Variants in PRKCA observed in about 807,000 individuals in gnomAD.
The protein encoded by PRKCA is protein kinase C alpha, also known as protein kinase C alpha type.
PRKCA carries 27 observed loss-of-function variants against 87.0 expected under a neutral mutation model. That is an observed-to-expected ratio of 0.31 (90% CI 0.23 to 0.43). PRKCA has a LOEUF of 0.43. PRKCA is among the 20% of genes least tolerant of loss of function. PRKCA has a pLI of 1.00. For synonymous variants in PRKCA, 329 were observed against 311.1 expected (o/e 1.06, Z -0.61); for missense variants, 518 against 852.3 (o/e 0.61, Z 4.88).
intron 2 of PRKCA, among the ~76,000 whole-genome samples, chr17:66,410,188 A>G (rs1911691890): frequency 6.9e-6 from 1 of 145,664 alleles, no homozygotes; most frequent in Non-Finnish European, 1.5e-5. Context: ...CTTTAATTTT[A>G]TAGGTGATAC....
intron 2 of PRKCA, among the ~76,000 whole-genome samples, chr17:66,431,622 C>A (rs527734680): frequency 2.0e-5 from 3 of 152,312 alleles, no homozygotes; most frequent in Admixed American, 2.0e-4. Context: ...GCTGTCGCTT[C>A]CCCTCTGCGC....
At chr17:66,674,699 A>G (rs528515484) in intron 5 of PRKCA, among the ~76,000 whole-genome samples, 64 of 152,306 alleles carry the variant, frequency 4.2e-4, no homozygotes, top group African/African-American at 1.5e-3. Context: ...ACAGTAACCA[A>G]GTGCCACTCA....
At chr17:66,693,652 C>T (rs1430336499) in intron 8 of PRKCA, among the ~76,000 whole-genome samples, 1 of 152,170 alleles carries the variant, frequency 6.6e-6, no homozygotes, top group Non-Finnish European at 1.5e-5. Flanking sequence ...AAAGGTCCAC[C>T]TTGCGTTAGA....
intron 3 of PRKCA, among the ~76,000 whole-genome samples, chr17:66,550,682 A>G (rs1024940548): frequency 1.3e-5 from 2 of 152,120 alleles, no homozygotes; most frequent in African/African-American, 4.8e-5. Context: ...GGCTCTGGGA[A>G]TAGAAATGGG....
chr17:66,523,845 A>G (rs1299944293), intron 3 of PRKCA, among the ~76,000 whole-genome samples: 1 of 152,196 alleles, frequency 6.6e-6, no homozygotes, highest in Admixed American at 6.5e-5. Flanking sequence ...AGGGGCTTGT[A>G]ATGAACAGAA....
intron 2 of PRKCA, among the ~76,000 whole-genome samples, chr17:66,341,252 G>A (rs1376346361): frequency 3.3e-5 from 5 of 152,156 alleles, no homozygotes; most frequent in Non-Finnish European, 7.3e-5. Context: ...ATGTAGTACT[G>A]CTTGCTGGGC....
intron 5 of PRKCA, among the ~76,000 whole-genome samples, chr17:66,646,127 G>A (rs1390292892): frequency 6.6e-6 from 1 of 152,192 alleles, no homozygotes; most frequent in African/African-American, 2.4e-5. Context: ...AGCTGGGATA[G>A]GAATGGAGGC....
intron 3 of PRKCA, among the ~76,000 whole-genome samples, chr17:66,622,362 T>C (rs1418697594): frequency 6.6e-6 from 1 of 152,242 alleles, no homozygotes; most frequent in African/African-American, 2.4e-5. Context: ...TACAAACAGA[T>C]ACGTTTACCA....
chr17:66,524,968 C>T (rs1268763208), intron 3 of PRKCA, among the ~76,000 whole-genome samples: 2 of 152,196 alleles, frequency 1.3e-5, no homozygotes, highest in Non-Finnish European at 2.9e-5. Flanking sequence ...TACATGTTCT[C>T]TTATAACGTG....
intron 13 of PRKCA, among the ~76,000 whole-genome samples, chr17:66,759,913 A>T (rs562916893): frequency 6.6e-6 from 1 of 152,368 alleles, no homozygotes; most frequent in South Asian, 2.1e-4. Context: ...ACAGCAGAGC[A>T]TTGAAATACA....
At chr17:66,309,522 G>A (rs1221025217) in intron 2 of PRKCA, among the ~76,000 whole-genome samples, 1 of 152,154 alleles carries the variant, frequency 6.6e-6, no homozygotes, top group Admixed American at 6.5e-5. Flanking sequence ...ACAGGATCCC[G>A]TTGTCAGAAT....
chr17:66,652,381 A>G (rs1161460945), intron 5 of PRKCA, among the ~76,000 whole-genome samples: 1 of 152,204 alleles, frequency 6.6e-6, no homozygotes, highest in Non-Finnish European at 1.5e-5. Flanking sequence ...CAGTGGGGAC[A>G]GTTGAATCTG....
intron 2 of PRKCA, among the ~76,000 whole-genome samples, chr17:66,457,917 C>T (rs1306143984): frequency 1.3e-5 from 2 of 152,096 alleles, no homozygotes; most frequent in Admixed American, 1.3e-4. Context: ...GCTGGGGTCA[C>T]CTGCTGTACT....
intron 2 of PRKCA, among the ~76,000 whole-genome samples, chr17:66,419,800 A>T (rs9914989): frequency 0.048 from 7,375 of 152,234 alleles, 411 homozygotes; most frequent in African/African-American, 0.14. Context: ...TATTAAACTT[A>T]CAAGTTTAAT....
At chr17:66,620,300 A>G (rs1598820294) in intron 3 of PRKCA, among the ~76,000 whole-genome samples, 2 of 152,306 alleles carry the variant, frequency 1.3e-5, no homozygotes, top group Middle Eastern at 3.4e-3. Flanking sequence ...CCTCTTTACA[A>G]TAGTCACCAA....
At chr17:66,675,095 A>G (rs531054079) in intron 5 of PRKCA, among the ~76,000 whole-genome samples, 205 of 152,264 alleles carry the variant, frequency 1.3e-3, no homozygotes, top group Non-Finnish European at 2.5e-3. Context: ...ATCTATTAAT[A>G]TATCTTTTTA....
At chr17:66,467,734 T>G (rs1266284500) in intron 2 of PRKCA, among the ~76,000 whole-genome samples, 2 of 152,064 alleles carry the variant, frequency 1.3e-5, no homozygotes, top group Non-Finnish European at 1.5e-5. Flanking sequence ...ATTTTTTAAT[T>G]TTTTGTGGAG....
intron 8 of PRKCA, among the ~76,000 whole-genome samples, chr17:66,704,597 A>C (rs1167802904): frequency 1.3e-5 from 2 of 152,240 alleles, no homozygotes; most frequent in African/African-American, 4.8e-5. Flanking sequence ...TGAAGATATA[A>C]GCCAAAAGAA....
At chr17:66,558,231 G>A (rs1387314196) in intron 3 of PRKCA, among the ~76,000 whole-genome samples, 2 of 152,222 alleles carry the variant, frequency 1.3e-5, no homozygotes, top group Non-Finnish European at 2.9e-5. Context: ...GTACTGTGCA[G>A]ACACCGAAGC....
Sources: gnomAD v4.1 joint callset for allele counts (sites outside exome capture counted in the v4.1 genomes callset) on GRCh38, gnomAD v4.1.1 for gene constraint, MANE v1.5 for transcripts, NCBI Gene and HGNC (gene_info 2026-07-23, HGNC 2026-07-21) for gene names.